The following ENKUR variants were observed in gnomAD, a reference collection of about 807,000 sequenced individuals.
The protein encoded by ENKUR is enkurin, TRPC channel interacting protein.
ENKUR carries 19 observed loss-of-function variants against 27.6 expected under a neutral mutation model. The observed-to-expected ratio is 0.69, with a 90% CI of 0.48 to 1.01. The LOEUF (loss-of-function observed/expected upper bound fraction) is 1.01, where lower values mean the gene tolerates loss of function less well. Ranked by LOEUF, ENKUR falls within the 50% of genes least tolerant of loss-of-function variation. The pLI is 0.00. For missense variants in ENKUR, 312 were observed against 310.5 expected, an observed-to-expected ratio of 1.00 and a Z score of -0.04; for synonymous variants, 117 against 96.9, an observed-to-expected ratio of 1.21 and a Z score of -1.22.
intron 2 of ENKUR, among the ~76,000 whole-genome samples, chr10:24,996,885 G>T (rs1161262075): frequency 1.3e-5 from 2 of 152,148 alleles, no homozygotes; most frequent in Non-Finnish European, 2.9e-5. Context: ...TTGTAGAAAG[G>T]TCTTTAAAGA....
intron 2 of ENKUR, among the ~76,000 whole-genome samples, chr10:25,034,665 C>A (rs1242300611): frequency 6.6e-6 from 1 of 152,098 alleles, no homozygotes; most frequent in East Asian, 1.9e-4. Context: ...GGGTCATTAC[C>A]AGAAAATAAC....
upstream of ENKUR, chr10:25,016,714 G>A (rs76021461): frequency 0.02 from 3,078 of 152,518 alleles, 42 homozygotes; most frequent in Non-Finnish European, 0.03. Flanking sequence ...CGTCTCCTGT[G>A]GAGGCTTTAG....
intron 2 of ENKUR, among the ~76,000 whole-genome samples, chr10:25,044,735 T>G (rs912298133): frequency 3.1e-4 from 47 of 152,370 alleles, no homozygotes; most frequent in African/African-American, 1.1e-3. Flanking sequence ...TCCTGCAATA[T>G]GCAGATGCTA....
At position 25,024,220 on chromosome 10, in the gene ENKUR, C is replaced by T. The variant is rs762457748; in HGVS notation, c.38-28351G>A. ...CTCAAAAATTGCTCCTGTCAGGCAC[C>T]TTTCAGGCAACCAGTTCATCCTGGA... On this transcript the variant is annotated intron_variant, in intron 2 of 5. Transcript: ENST00000615958. 9 of 1,614,094 alleles carry T rather than the reference C, an allele frequency of 5.6e-6. No individual in the cohort carries two copies. The highest frequency in any genetic ancestry group is 7.6e-6 in the Non-Finnish European group (9 of 1,180,040).
At position 24,984,228 on chromosome 10, in the gene ENKUR, T is replaced by C; in HGVS notation, c.*142A>G. On this transcript the variant is annotated 3_prime_UTR_variant, in exon 6 of 6. Transcript: ENST00000331161. ...TTCTCACTGGGAATAACTGCAAATG[T>C]CATGGGCCACAGGAAAATACATCTT... 1 of 904,644 alleles carries C rather than the reference T, an allele frequency of 1.1e-6. No homozygotes were observed. The highest frequency in any genetic ancestry group is 1.6e-6 in the Non-Finnish European group (1 of 606,318). 56.0% of individuals were successfully genotyped at this position (904,644 alleles called of 1,614,324 possible). A position where few individuals can be genotyped will look rare whatever the true frequency, so the allele number is the denominator to read the frequency against.
intron 2 of ENKUR, among the ~76,000 whole-genome samples, chr10:25,033,345 C>A (rs528576316): frequency 1.0e-4 from 14 of 139,340 alleles, no homozygotes; most frequent in Non-Finnish European, 1.6e-4. Context: ...TTGAGGTTGC[C>A]GTGAGCTATG....
At chr10:25,002,884 A>G (rs931635922) in intron 1 of ENKUR, among the ~76,000 whole-genome samples, 1 of 152,020 alleles carries the variant, frequency 6.6e-6, no homozygotes, top group African/African-American at 2.4e-5. Context: ...GGGCTGGCAG[A>G]TATGGTCTCG....
chr10:25,033,540 T>C (rs191021621), intron 2 of ENKUR, among the ~76,000 whole-genome samples: 6 of 152,218 alleles, frequency 3.9e-5, no homozygotes, highest in Admixed American at 3.9e-4. Flanking sequence ...CAACTTTGCG[T>C]AACCCTTTCT....
At chr10:25,037,232 G>T (rs1473911834) in intron 2 of ENKUR, among the ~76,000 whole-genome samples, 1 of 152,172 alleles carries the variant, frequency 6.6e-6, no homozygotes, top group East Asian at 1.9e-4. Flanking sequence ...ATTTTAGAAA[G>T]ATCATTTTTG....
chr10:25,033,571 G>C (rs1374491107), intron 2 of ENKUR, among the ~76,000 whole-genome samples: 1 of 152,012 alleles, frequency 6.6e-6, no homozygotes, highest in African/African-American at 2.4e-5. Flanking sequence ...CTTTATCAAG[G>C]AAAGGAAAAC....
intron 1 of ENKUR, among the ~76,000 whole-genome samples, chr10:25,011,508 G>A (rs956374863): frequency 1.3e-5 from 2 of 152,146 alleles, no homozygotes; most frequent in African/African-American, 2.4e-5. Context: ...AATAAATGGT[G>A]CTGGGAAAAC....
At chr10:25,037,008 T>C (rs10508687) in intron 2 of ENKUR, among the ~76,000 whole-genome samples, 24,140 of 152,108 alleles carry the variant, frequency 0.16, 3,691 homozygotes, top group African/African-American at 0.41. Flanking sequence ...AAGCCAAAAT[T>C]TAAAGCCAAG....
chr10:25,028,616 C>G (rs1850897539), intron 2 of ENKUR, among the ~76,000 whole-genome samples: 1 of 152,150 alleles, frequency 6.6e-6, no homozygotes, highest in South Asian at 2.1e-4. Context: ...CACCTTTTTC[C>G]CATCTGTGCT....
At chr10:25,042,795 C>A (rs1195777774) in intron 2 of ENKUR, among the ~76,000 whole-genome samples, 1 of 151,122 alleles carries the variant, frequency 6.6e-6, no homozygotes, top group Non-Finnish European at 1.5e-5. Context: ...TTCAAGGCTG[C>A]AGTGACTTAT....
chr10:25,027,910 CAA>C (rs1850887450), intron 2 of ENKUR, among the ~76,000 whole-genome samples: 1 of 152,028 alleles, frequency 6.6e-6, no homozygotes, highest in Non-Finnish European at 1.5e-5. Context: ...GTTAACGAGA[CAA>C]CGCAAAAATT....
chr10:25,009,814 G>T (rs187481361), intron 1 of ENKUR, among the ~76,000 whole-genome samples: 1 of 149,834 alleles, frequency 6.7e-6, no homozygotes, highest in Non-Finnish European at 1.5e-5. Context: ...ACACACTCTC[G>T]TTTCCCACTA....
chr10:25,008,345 T>C (rs1373226863), intron 1 of ENKUR, among the ~76,000 whole-genome samples: 1 of 152,318 alleles, frequency 6.6e-6, no homozygotes, highest in African/African-American at 2.4e-5. Flanking sequence ...TGTAATTAGT[T>C]AGCAAAGTGG....
At position 25,039,488 on chromosome 10, in the gene ENKUR, G is replaced by A. The variant is rs1414313866; in HGVS notation, c.37+21624C>T. Among the ~76,000 whole-genome samples the A allele has an allele frequency of 2.0e-5, 3 of 152,280 alleles. No individual in the cohort carries two copies. In the South Asian group the frequency reaches 6.2e-4, roughly 32 times the overall value. Reference sequence around the variant, plus strand: ...CTAGCTACTCTGGAGACTGAGCAGAGAGAATCACTTGAGCCCGAGAGGTGG... The same window carrying A: ...CTAGCTACTCTGGAGACTGAGCAGAAAGAATCACTTGAGCCCGAGAGGTGG... On this transcript the variant is annotated intron_variant, in intron 2 of 5. Coordinates refer to the ENKUR transcript ENST00000615958.
intron 2 of ENKUR, among the ~76,000 whole-genome samples, chr10:24,996,976 C>T (rs74984178): frequency 6.6e-6 from 1 of 152,152 alleles, no homozygotes; most frequent in South Asian, 2.1e-4. Context: ...AATTTGAACA[C>T]AGACATACAT....
Sources: gnomAD v4.1 joint callset for allele counts (sites outside exome capture counted in the v4.1 genomes callset) on GRCh38, gnomAD v4.1.1 for gene constraint, MANE v1.5 for transcripts, NCBI Gene and HGNC (gene_info 2026-07-23, HGNC 2026-07-21) for gene names.